Variants in NUP54 observed in about 807,000 individuals in gnomAD.
NUP54 encodes the protein nucleoporin 54, also known as nucleoporin p54.
In NUP54, 27 loss-of-function variants were observed where a neutral mutation model predicts 66.4. The ratio of observed to expected loss-of-function variants is 0.41; its 90% CI spans 0.30 to 0.56. The LOEUF is 0.56. Ranked by LOEUF, NUP54 falls within the 20% of genes least tolerant of loss-of-function variation. The probability of loss-of-function intolerance (pLI) is 0.34; values close to 1 mark genes in which losing one functional copy is unlikely to be tolerated. For missense variants in NUP54, 486 were observed against 596.3 expected, an observed-to-expected ratio of 0.82 and a Z score of 1.93; for synonymous variants, 206 against 210.7, an observed-to-expected ratio of 0.98 and a Z score of 0.19.
Position 76,134,181 on chromosome 4 carries a change from T to C in NUP54, c.704A>G (p.Asp235Gly), listed in dbSNP as rs747254686. Reference sequence around the variant, plus strand: ...TATATTTATGTATACTTACTGATCATCTGGCAATGTTTTAGTGCCCTCTAC... The same window carrying C: ...TATATTTATGTATACTTACTGATCACCTGGCAATGTTTTAGTGCCCTCTAC... ...VNVEGTKTLP[D>G]DQTEVVIYVV... Residue 235 changes from aspartate (D) to glycine (G), a missense_variant, in exon 5 of 12, where the codon GAT becomes GGT. This residue lies in a region of NUP54 where 217 missense variants were observed against 247.9 expected (regional missense o/e 0.88). Coordinates refer to ENST00000264883, the MANE Select transcript of NUP54 (RefSeq NM_017426.4). 2 of 1,607,112 alleles carry C rather than the reference T, an allele frequency of 1.2e-6. No individual in the cohort carries two copies. The highest frequency in any genetic ancestry group is 1.7e-6 in the Non-Finnish European group (2 of 1,174,444).
At chr4:76,130,851 C>A in intron 7 of NUP54, 102 bp from the exon 8 acceptor site, 1 of 756,216 alleles carries the variant, frequency 1.3e-6, no homozygotes, top group South Asian at 1.5e-5. Flanking sequence ...CATCAACTTT[C>A]TAGGGCTCTA....
rs11558469 is a variant in NUP54, at chr4:76,144,427, T to C, written c.114A>G (p.Ala38=). Reference sequence around the variant, plus strand: ...TGTTAGTTGGGGCAGAAAAGCTGAATGCAGAACCTGCAGTTGTAGATGTTG... The same window carrying C: ...TGTTAGTTGGGGCAGAAAAGCTGAACGCAGAACCTGCAGTTGTAGATGTTG... ...FGTTSTTAGS[A]FSFSAPTNTG... Residue 38 remains alanine, a synonymous_variant, in exon 2 of 12, where the codon GCA becomes GCG. Transcript: ENST00000264883. 0.15 allele frequency: 237,561 copies of C among 1,608,154 alleles called. 19,083 individuals are homozygous for C. Among genetic ancestry groups the C allele is most frequent in the East Asian group, 0.35 (15,520 of 44,850 alleles).
chr4:76,141,370 C>T (rs1169963428), intron 3 of NUP54, among the ~76,000 whole-genome samples: 1 of 152,166 alleles, frequency 6.6e-6, no homozygotes, highest in Non-Finnish European at 1.5e-5. Flanking sequence ...TTAAATACTA[C>T]TTACGTTCTG....
At chr4:76,142,530 G>C (rs1405654340) in intron 3 of NUP54, among the ~76,000 whole-genome samples, 1 of 152,194 alleles carries the variant, frequency 6.6e-6, no homozygotes, top group Non-Finnish European at 1.5e-5. Flanking sequence ...ACTTCTTCTA[G>C]AGAGGTATAC....
chr4:76,132,705 A>G lies in NUP54; in HGVS notation c.725T>C (p.Ile242Thr). The change falls in exon 6 of 12, where the codon ATT (isoleucine) becomes ACT (threonine). Residue 242 changes from isoleucine (I) to threonine (T), a missense_variant. Transcript: ENST00000264883. ...ATTTGGCGAACGCTCAACAACATAAATAACAACTTCTGTCCTGAAGGAAGA... is the reference window on the plus strand; with the variant it reads ...ATTTGGCGAACGCTCAACAACATAAGTAACAACTTCTGTCCTGAAGGAAGA... ...TLPDDQTEVVIYVVERSPNGT... is the reference protein window; with the variant it reads ...TLPDDQTEVVTYVVERSPNGT... 1 of 1,612,414 alleles carries G rather than the reference A, an allele frequency of 6.2e-7. No homozygotes were observed. Among genetic ancestry groups the G allele is most frequent in the Non-Finnish European group, 8.5e-7 (1 of 1,179,366 alleles).
chr4:76,131,295 T>TA lies in NUP54; in HGVS notation c.908-12dup. On this transcript the variant is annotated splice_polypyrimidine_tract_variant and intron_variant, in intron 6 of 11. Transcript: ENST00000264883. ...TAATAGGATCAACACCTACCACAAA[T>TA]AAAAAATATTTTTTCTAAAACAATT... is the stretch of plus-strand genomic sequence containing the variant. 6.5e-7 allele frequency: 1 copy of TA among 1,544,560 alleles called. No homozygotes were observed. Among genetic ancestry groups the TA allele is most frequent in the Non-Finnish European group, 8.8e-7 (1 of 1,133,830 alleles).
chr4:76,131,631 ATAAG>A (rs1466139872), intron 6 of NUP54, among the ~76,000 whole-genome samples: 1 of 152,004 alleles, frequency 6.6e-6, no homozygotes, highest in African/African-American at 2.4e-5. Context: ...CATATTAAAA[ATAAG>A]TATTAATTTT....
chr4:76,148,228 A>G (rs1160938649), intron 1 of NUP54, 80 bp downstream of exon 1: 1 of 997,694 alleles, frequency 1.0e-6, no homozygotes, highest in Admixed American at 4.1e-5. Flanking sequence ...CAGGATCCCC[A>G]GGTCGGAGAG....
At chr4:76,148,086 TCA>T (rs1731590070) in intron 1 of NUP54, 3 of 419,150 alleles carry the variant, frequency 7.2e-6, no homozygotes, top group Non-Finnish European at 8.4e-6. Flanking sequence ...CTGTGGAAAC[TCA>T]CGCGCGGCAA....
intron 7 of NUP54, 169 bp from the exon 8 acceptor site, chr4:76,130,918 T>C: frequency 1.6e-6 from 1 of 610,130 alleles, no homozygotes; most frequent in South Asian, 2.0e-5. Flanking sequence ...TTATTCAACC[T>C]CCCTATTTTA....
At position 76,136,295 on chromosome 4, in the gene NUP54, A is replaced by G; in HGVS notation, c.413T>C (p.Leu138Ser). 6.2e-7 allele frequency: 1 copy of G among 1,614,182 alleles called. No homozygotes were observed. The highest frequency in any genetic ancestry group is 8.5e-7 in the Non-Finnish European group (1 of 1,180,004). ...GGCCTGCAGTTGATTCCATTTTGCC[A>G]AAATAGCATCTCTCTCATCTCCCAA... ...TLLGDERDAI[L>S]AKWNQLQAFW... The change falls in exon 4 of 12, where the codon TTG becomes TCG. Residue 138 changes from leucine (L) to serine (S), a missense_variant. Leu to Ser is a moderately radical substitution (Grantham distance 145, BLOSUM62 -2). Transcript: ENST00000264883.
At chr4:76,129,487 C>T (rs1043942543) in intron 8 of NUP54, among the ~76,000 whole-genome samples, 2 of 152,192 alleles carry the variant, frequency 1.3e-5, no homozygotes, top group Non-Finnish European at 2.9e-5. Context: ...TATCAACCAA[C>T]TGGATCTCAC....
intron 9 of NUP54, among the ~76,000 whole-genome samples, chr4:76,118,640 C>CTA (rs1730075223): frequency 6.8e-6 from 1 of 147,070 alleles, no homozygotes; most frequent in Admixed American, 7.0e-5. Context: ...AAGTGATCCT[C>CTA]TAGCCTTGGC....
At chr4:76,137,787 A>C (rs1329756057) in intron 3 of NUP54, among the ~76,000 whole-genome samples, 1 of 152,244 alleles carries the variant, frequency 6.6e-6, no homozygotes, top group African/African-American at 2.4e-5. Flanking sequence ...AGGCAAAGTT[A>C]TCTACCTAGA....
At chr4:76,138,415 G>C (rs1184256675) in intron 3 of NUP54, among the ~76,000 whole-genome samples, 2 of 152,058 alleles carry the variant, frequency 1.3e-5, no homozygotes, top group Non-Finnish European at 2.9e-5. Context: ...TAAATTTCCT[G>C]ACAACACAGT....
chr4:76,132,405 A>G (rs7698392), intron 6 of NUP54, 118 bp downstream of exon 6: 98,603 of 657,478 alleles, frequency 0.15, 8,468 homozygotes, highest in East Asian at 0.35. Context: ...AAGTAGATAT[A>G]TGACAAGATG....
chr4:76,118,583 G>GGGGT (rs1553941253), intron 9 of NUP54: 1 of 93,202 alleles, frequency 1.1e-5, no homozygotes, highest in African/African-American at 4.8e-5. Context: ...TGGGGGGGGG[G>GGGGT]GTCTCACTAT....
chr4:76,121,189 T>C (rs1236148543), intron 9 of NUP54, among the ~76,000 whole-genome samples: 1 of 152,238 alleles, frequency 6.6e-6, no homozygotes, highest in Non-Finnish European at 1.5e-5. Context: ...ACTCCAGCAT[T>C]ATTTATTAAA....
Position 76,132,617 on chromosome 4 carries a change from T to G in NUP54, c.813A>C (p.Lys271Asn), listed in dbSNP as rs1473653125. 24 of 1,614,138 alleles carry G rather than the reference T, an allele frequency of 1.5e-5. No individual in the cohort carries two copies. The highest frequency in any genetic ancestry group is 1.9e-5 in the Non-Finnish European group (23 of 1,180,018). Residue 271 changes from lysine (K) to asparagine (N), a missense_variant, in exon 6 of 12, where the codon AAA becomes AAC. Physicochemically the swap from Lys to Asn is moderately conservative, Grantham distance 94 (BLOSUM62 0). This residue lies in a region of NUP54 where 217 missense variants were observed against 247.9 expected (regional missense o/e 0.88). Coordinates refer to ENST00000264883, the MANE Select transcript of NUP54 (RefSeq NM_017426.4). The stretch of plus-strand genomic sequence containing the variant: ...TTACACCAAGTTGCTGCAATTGTGT[T>G]TTTATATTGGCTTGTTCAAAATGGG... ...LYAHFEQANI[K>N]TQLQQLGVTL...
Sources: gnomAD v4.1 joint callset for allele counts (sites outside exome capture counted in the v4.1 genomes callset) on GRCh38, gnomAD v4.1.1 for gene constraint, gnomAD v4.1.1 regional missense constraint, MANE v1.5 for transcripts, NCBI Gene and HGNC (gene_info 2026-07-23, HGNC 2026-07-21) for gene names.